GABRA3: variants seen among roughly 807,000 people sequenced by gnomAD.
GABRA3 encodes the protein gamma-aminobutyric acid type A receptor subunit alpha3, also known as gamma-aminobutyric acid receptor subunit alpha-3.
In GABRA3, 10 loss-of-function variants were observed where a neutral mutation model predicts 30.1. The observed-to-expected ratio is 0.33, with a 90% CI of 0.20 to 0.56. The LOEUF (loss-of-function observed/expected upper bound fraction) is 0.56. Ranked by LOEUF, GABRA3 falls within the 20% of genes least tolerant of loss-of-function variation. GABRA3 has a pLI of 0.89. For missense variants in GABRA3, 233 were observed against 392.0 expected, an observed-to-expected ratio of 0.59 and a Z score of 3.42; for synonymous variants, 151 against 146.8, an observed-to-expected ratio of 1.03 and a Z score of -0.21.
At chrX:152,236,006 T>A (rs1383254424) in intron 5 of GABRA3, among the ~76,000 whole-genome samples, 2 of 106,025 alleles carry the variant, frequency 1.9e-5, no homozygotes, top group African/African-American at 3.4e-5. Flanking sequence ...AATTTTTTTT[T>A]ATTATACTTT....
At chrX:152,259,594 G>T (rs1938693844) in intron 4 of GABRA3, among the ~76,000 whole-genome samples, 1 of 111,398 alleles carries the variant, frequency 9.0e-6, no homozygotes, top group South Asian at 3.8e-4. Flanking sequence ...CTTTTTACAG[G>T]CCCTAACTCC....
chrX:152,193,161 T>A (rs1027210902), intron 8 of GABRA3, among the ~76,000 whole-genome samples: 2 of 111,540 alleles, frequency 1.8e-5, no homozygotes, highest in African/African-American at 6.5e-5. Context: ...CTATAGAATA[T>A]TCCCATCTCC....
intron 1 of GABRA3, among the ~76,000 whole-genome samples, chrX:152,418,674 C>A (rs1930296228): frequency 9.0e-6 from 1 of 111,097 alleles, no homozygotes; most frequent in Non-Finnish European, 1.9e-5. Context: ...AATATAAAAT[C>A]AAAAATCAAT....
At chrX:152,198,591 C>T (rs899312291) in intron 7 of GABRA3, among the ~76,000 whole-genome samples, 11 of 112,040 alleles carry the variant, frequency 9.8e-5, no homozygotes, top group African/African-American at 3.6e-4. Flanking sequence ...CTTCTTCCCT[C>T]TTGTAATCAC....
chrX:152,215,957 T>A (rs1157862746), intron 6 of GABRA3, among the ~76,000 whole-genome samples: 1 of 111,288 alleles, frequency 9.0e-6, no homozygotes, highest in African/African-American at 3.3e-5. Flanking sequence ...AAAGAAGATA[T>A]ACAAATGGCC....
Position 152,309,120 on chromosome X carries a change from C to G in GABRA3, c.263-24385G>C, listed in dbSNP as rs534024491. ...GAATAAAATAGAATGAACAAAACCC[C>G]CAAGAAATATAGGATTATGTAAAGA... On this transcript the variant is annotated intron_variant, in intron 3 of 9. Coordinates refer to ENST00000370314, the MANE Select transcript of GABRA3 (RefSeq NM_000808.4). Among the ~76,000 whole-genome samples the G allele has an allele frequency of 2.8e-4, 31 of 111,842 alleles. No individual in the cohort carries two copies. In the South Asian group the frequency reaches 0.011, roughly 40 times the overall value.
intron 1 of GABRA3, among the ~76,000 whole-genome samples, chrX:152,435,363 A>G (rs1424399973): frequency 8.9e-6 from 1 of 111,821 alleles, no homozygotes; most frequent in Non-Finnish European, 1.9e-5. Flanking sequence ...CAGCAGTGAT[A>G]GACTGGATGA....
At chrX:152,179,999 T>G (rs1194671067) in intron 9 of GABRA3, among the ~76,000 whole-genome samples, 1 of 112,321 alleles carries the variant, frequency 8.9e-6, no homozygotes, top group Non-Finnish European at 1.9e-5. Flanking sequence ...TATTGGCTTT[T>G]GTGAATAATG....
chrX:152,304,465 T>C (rs990799372), intron 3 of GABRA3, among the ~76,000 whole-genome samples: 1 of 112,346 alleles, frequency 8.9e-6, no homozygotes, highest in African/African-American at 3.2e-5. Flanking sequence ...CATCTGGAGT[T>C]GATTTTCTAT....
intron 3 of GABRA3, among the ~76,000 whole-genome samples, chrX:152,344,256 G>A (rs1386520865): frequency 9.0e-6 from 1 of 111,633 alleles, no homozygotes; most frequent in Non-Finnish European, 1.9e-5. Context: ...AAATGGAATA[G>A]GCTTCCACTT....
At chrX:152,400,077 C>G in intron 1 of GABRA3, among the ~76,000 whole-genome samples, 1 of 111,696 alleles carries the variant, frequency 9.0e-6, no homozygotes, top group African/African-American at 3.3e-5. Flanking sequence ...TCTTTTTGAG[C>G]AAAGAGGATA....
chrX:152,328,236 C>T (rs1302629409), intron 3 of GABRA3, among the ~76,000 whole-genome samples: 1 of 111,482 alleles, frequency 9.0e-6, no homozygotes, highest in East Asian at 2.8e-4. Flanking sequence ...AAGTCCAGGA[C>T]CAGACGGATT....
chrX:152,308,614 C>T (rs1492296), intron 3 of GABRA3, among the ~76,000 whole-genome samples: 4,135 of 111,771 alleles, frequency 0.037, 161 homozygotes, highest in African/African-American at 0.13. Flanking sequence ...AAACCCTAAA[C>T]GGCATCAAAA....
At chrX:152,286,614 G>T (rs958430615) in intron 3 of GABRA3, among the ~76,000 whole-genome samples, 5 of 111,238 alleles carry the variant, frequency 4.5e-5, no homozygotes, top group African/African-American at 1.6e-4. Context: ...ATCCAGACCT[G>T]AGTTTTGGCC....
intron 3 of GABRA3, among the ~76,000 whole-genome samples, chrX:152,312,256 C>G (rs1411539053): frequency 8.9e-6 from 1 of 111,912 alleles, no homozygotes; most frequent in African/African-American, 3.2e-5. Flanking sequence ...CTACAATAAC[C>G]AAAACAGTAT....
At chrX:152,256,077 A>T (rs1460830781) in intron 4 of GABRA3, 79 bp from the exon 5 acceptor site, 7 of 686,859 alleles carry the variant, frequency 1.0e-5, no homozygotes, top group African/African-American at 2.1e-5. Context: ...AATATTAATT[A>T]CCTTGCAGTA....
chrX:152,335,862 G>A (rs750817883), intron 3 of GABRA3, among the ~76,000 whole-genome samples: 4 of 110,604 alleles, frequency 3.6e-5, no homozygotes, highest in Non-Finnish European at 7.6e-5. Context: ...TGGGACTACA[G>A]TTGCATGCTA....
chrX:152,434,234 G>A (rs1472379234), intron 1 of GABRA3, among the ~76,000 whole-genome samples: 2 of 110,983 alleles, frequency 1.8e-5, no homozygotes, highest in Admixed American at 9.6e-5. Context: ...AGCTGCCAAC[G>A]AATGTAAAGC....
chrX:152,425,294 A>G (rs756908459), intron 1 of GABRA3, among the ~76,000 whole-genome samples: 33 of 110,534 alleles, frequency 3.0e-4, no homozygotes, highest in Middle Eastern at 4.6e-3. Flanking sequence ...TACAATTACC[A>G]AAATCAATAA....
Sources: allele counts gnomAD v4.1 joint callset (sites outside exome capture counted in the v4.1 genomes callset), GRCh38; gene constraint gnomAD v4.1.1; transcripts MANE v1.5; gene names NCBI Gene and HGNC (gene_info 2026-07-23, HGNC 2026-07-21).